Variants in KCNB2 observed in about 807,000 individuals in gnomAD.
KCNB2 encodes potassium voltage-gated channel subfamily B member 2.
A neutral mutation model predicts 61.5 loss-of-function variants in KCNB2; 15 were observed. The observed-to-expected ratio is 0.24, with a 90% CI of 0.16 to 0.38. The LOEUF (loss-of-function observed/expected upper bound fraction) is 0.38, where lower values mean the gene tolerates loss of function less well. KCNB2 is among the 10% of genes least tolerant of loss of function. The pLI is 1.00. For synonymous variants in KCNB2, 457 were observed against 446.0 expected (o/e 1.02, Z -0.31); for missense variants, 828 against 1,125.2 (o/e 0.74, Z 3.78).
At chr8:72,685,777 G>A (rs529971384) in intron 2 of KCNB2, among the ~76,000 whole-genome samples, 1 of 152,296 alleles carries the variant, frequency 6.6e-6, no homozygotes, top group South Asian at 2.1e-4. Flanking sequence ...ATCGCCTGAG[G>A]TCAGGAGTTT....
At chr8:72,731,842 C>A (rs1807744811) in intron 2 of KCNB2, among the ~76,000 whole-genome samples, 1 of 152,196 alleles carries the variant, frequency 6.6e-6, no homozygotes, top group Non-Finnish European at 1.5e-5. Context: ...TGATGTCATG[C>A]CTGGTAAGCT....
chr8:72,718,241 T>A (rs1003137376), intron 2 of KCNB2, among the ~76,000 whole-genome samples: 2 of 152,222 alleles, frequency 1.3e-5, no homozygotes, highest in African/African-American at 4.8e-5. Flanking sequence ...TCAACTATTG[T>A]GGAAGTCGGT....
chr8:72,708,831 G>T (rs537878219), intron 2 of KCNB2, among the ~76,000 whole-genome samples: 1 of 152,242 alleles, frequency 6.6e-6, no homozygotes, highest in South Asian at 2.1e-4. Context: ...TCCAAAGTCT[G>T]ACACAGTTTA....
At chr8:72,651,487 T>C (rs1806209859) in intron 2 of KCNB2, among the ~76,000 whole-genome samples, 1 of 152,122 alleles carries the variant, frequency 6.6e-6, no homozygotes, top group Non-Finnish European at 1.5e-5. Context: ...ACCCCTACTG[T>C]TAAAGATTAC....
intron 2 of KCNB2, among the ~76,000 whole-genome samples, chr8:72,731,173 TA>T (rs1320751707): frequency 2.0e-5 from 3 of 151,938 alleles, no homozygotes; most frequent in Non-Finnish European, 4.4e-5. Flanking sequence ...ATGGAGAGAG[TA>T]AGAGGAAAAC....
chr8:72,839,915 T>G (rs989615432), intron 2 of KCNB2, among the ~76,000 whole-genome samples: 7 of 151,624 alleles, frequency 4.6e-5, no homozygotes, highest in African/African-American at 1.7e-4. Flanking sequence ...GCCCAGCCTT[T>G]TTTTTTTTTT....
At chr8:72,710,754 TA>T (rs1489504305) in intron 2 of KCNB2, among the ~76,000 whole-genome samples, 3 of 152,210 alleles carry the variant, frequency 2.0e-5, no homozygotes, top group Admixed American at 2.0e-4. Context: ...AAGATGTTAT[TA>T]AACCTCCAAA....
intron 2 of KCNB2, among the ~76,000 whole-genome samples, chr8:72,837,605 A>G (rs757104266): frequency 1.1e-4 from 17 of 152,186 alleles, no homozygotes; most frequent in South Asian, 4.1e-4. Context: ...AATCCCACCA[A>G]TTAGGAATCC....
intron 2 of KCNB2, among the ~76,000 whole-genome samples, chr8:72,635,683 TTTAA>T (rs1042073963): frequency 6.6e-6 from 1 of 152,136 alleles, no homozygotes; most frequent in Non-Finnish European, 1.5e-5. Flanking sequence ...CACTGCAGTG[TTTAA>T]TTAGGAAGAA....
chr8:72,552,747 T>C (rs979482225), intron 1 of KCNB2, among the ~76,000 whole-genome samples: 5 of 152,202 alleles, frequency 3.3e-5, no homozygotes, highest in Admixed American at 1.3e-4. Context: ...GCACTGTTCT[T>C]TATTGAGGGC....
At chr8:72,545,066 A>G (rs968302611) in intron 1 of KCNB2, among the ~76,000 whole-genome samples, 2 of 152,196 alleles carry the variant, frequency 1.3e-5, no homozygotes, top group African/African-American at 4.8e-5. Context: ...AAATTCTACT[A>G]TATTCTGCTC....
At chr8:72,635,912 T>A (rs913740347) in intron 2 of KCNB2, among the ~76,000 whole-genome samples, 1 of 152,188 alleles carries the variant, frequency 6.6e-6, no homozygotes, top group Non-Finnish European at 1.5e-5. Context: ...ACCTACTCGT[T>A]GTGTTACTGA....
chr8:72,786,940 G>A (rs1261459609), intron 2 of KCNB2, among the ~76,000 whole-genome samples: 2 of 152,132 alleles, frequency 1.3e-5, no homozygotes, highest in East Asian at 3.9e-4. Context: ...ATTCACAAAT[G>A]AAAGTGACAA....
chr8:72,919,656 G>A (rs1806469184), intron 2 of KCNB2, among the ~76,000 whole-genome samples: 1 of 152,152 alleles, frequency 6.6e-6, no homozygotes, highest in South Asian at 2.1e-4. Context: ...CAAACTGATT[G>A]CATTCGACCA....
intron 2 of KCNB2, among the ~76,000 whole-genome samples, chr8:72,756,037 G>T (rs1173170896): frequency 2.0e-5 from 3 of 152,292 alleles, no homozygotes; most frequent in East Asian, 3.9e-4. Context: ...AAAAGGTCTG[G>T]ATCTTCTCAC....
At chr8:72,588,985 A>C (rs572771611) in intron 2 of KCNB2, among the ~76,000 whole-genome samples, 6 of 152,180 alleles carry the variant, frequency 3.9e-5, no homozygotes, top group Non-Finnish European at 7.3e-5. Context: ...TTGAACTCAT[A>C]GTCTGATACC....
rs1410508871 is a variant in KCNB2 at position 72,537,735 on chromosome 8, T to C, written c.-244T>C. 2 of 152,298 alleles carry C rather than the reference T, an allele frequency of 1.3e-5. No individual in the cohort carries two copies. Among genetic ancestry groups the C allele is most frequent in the African/African-American group, 4.8e-5 (2 of 41,394 alleles). The allele number at this position is 152,298 out of a possible 1,614,324, so 9.4% of individuals were successfully genotyped here. On this transcript the variant is annotated 5_prime_UTR_variant, in exon 1 of 3. Transcript: ENST00000523207. ...CTCCAGCCAGCCGGGGAGACCCTCCTCTCTGTGGAGGGGAGGGGGATTTCC... is the reference window on the plus strand; with the variant it reads ...CTCCAGCCAGCCGGGGAGACCCTCCCCTCTGTGGAGGGGAGGGGGATTTCC...
intron 2 of KCNB2, among the ~76,000 whole-genome samples, chr8:72,650,084 A>C (rs986152089): frequency 4.6e-5 from 7 of 152,176 alleles, no homozygotes; most frequent in Non-Finnish European, 8.8e-5. Flanking sequence ...AGACAATTAT[A>C]CAGAGAAGCC....
chr8:72,643,951 A>T (rs1317911926), intron 2 of KCNB2, among the ~76,000 whole-genome samples: 1 of 152,170 alleles, frequency 6.6e-6, no homozygotes, highest in East Asian at 1.9e-4. Context: ...GGTTTAAATG[A>T]GGCAAATCAA....
Sources: allele counts gnomAD v4.1 joint callset (sites outside exome capture counted in the v4.1 genomes callset), GRCh38; gene constraint gnomAD v4.1.1; transcripts MANE v1.5; gene names NCBI Gene and HGNC (gene_info 2026-07-23, HGNC 2026-07-21).